The following CXCL8 variants were observed in gnomAD, a reference collection of about 807,000 sequenced individuals.
CXCL8 encodes the protein interleukin-8.
A neutral mutation model predicts 10.9 loss-of-function variants in CXCL8; 12 were observed. The ratio of observed to expected loss-of-function variants is 1.10; its 90% confidence interval spans 0.71 to 1.79. The LOEUF (loss-of-function observed/expected upper bound fraction) is 1.79. CXCL8 is among the 40% of genes most tolerant of loss of function. The probability of loss-of-function intolerance (pLI) is 0.00; values close to 1 mark genes in which losing one functional copy is unlikely to be tolerated. For synonymous variants in CXCL8, 41 were observed against 39.6 expected (o/e 1.03, Z -0.13); for missense variants, 145 against 113.4 (o/e 1.28, Z -1.26).
intron 1 of CXCL8, 118 bp from the exon 2 acceptor site, chr4:73,741,424 C>A: frequency 2.1e-6 from 2 of 951,214 alleles, no homozygotes; most frequent in Non-Finnish European, 3.1e-6. Context: ...AATGAGTTCA[C>A]TAGAAACATG....
chr4:73,741,503 T>C (rs759668490), intron 1 of CXCL8, 39 bp from the exon 2 acceptor site: 9 of 1,605,312 alleles, frequency 5.6e-6, no homozygotes, highest in Non-Finnish European at 7.7e-6. Flanking sequence ...GCTGTGCCTG[T>C]TGATAAAATC....
In CXCL8 at chr4:73,742,488, C is replaced by T; in HGVS notation, c.*24C>T. 7.0e-7 allele frequency: 1 copy of T among 1,427,550 alleles called. No individual in the cohort carries two copies. The highest frequency in any genetic ancestry group is 9.7e-7 in the Non-Finnish European group (1 of 1,030,836). 88.4% of individuals were successfully genotyped at this position (1,427,550 alleles called of 1,614,324 possible). A position where few individuals can be genotyped will look rare whatever the true frequency, so the allele number is the denominator to read the frequency against. ...AAAAAAATTCATTCTCTGTGGTATC[C>T]AAGAATCAGTGAAGATGCCAGTGAA... On this transcript the variant is annotated 3_prime_UTR_variant, in exon 4 of 4. Transcript: ENST00000307407.
chr4:73,741,463 A>T, intron 1 of CXCL8, 79 bp from the exon 2 acceptor site: 1 of 1,329,244 alleles, frequency 7.5e-7, no homozygotes, highest in South Asian at 1.3e-5. Context: ...AAATAATCAT[A>T]TTGGAATTAG....
chr4:73,742,026 T>C lies in CXCL8; in HGVS notation c.278T>C (p.Leu93Ser). 1.3e-6 allele frequency: 2 copies of C among 1,583,400 alleles called. No individual in the cohort carries two copies. Among genetic ancestry groups the C allele is most frequent in the South Asian group, 2.2e-5 (2 of 89,360 alleles). ...GTGCAGAGGGTTGTGGAGAAGTTTT[T>C]GAAGAGGTAAGTTATATATTTTTTA... The part of the protein sequence containing the change: ...NWVQRVVEKF[L>S]KRAENS The change falls in exon 3 of 4, where the codon TTG (leucine) becomes TCG (serine). Residue 93 changes from leucine (L) to serine (S), a missense_variant. Coordinates refer to ENST00000307407, the MANE Select transcript of CXCL8 (RefSeq NM_000584.4).
Position 73,742,849 on chromosome 4 carries a change from A to T in CXCL8, c.*385A>T. On this transcript the variant is annotated 3_prime_UTR_variant, in exon 4 of 4. Coordinates refer to ENST00000307407, the MANE Select transcript of CXCL8 (RefSeq NM_000584.4). ...TAGAATGTGATATTTGAAGCATCACATAAAAATGATGGGACAATAAATTTT... is the reference window on the plus strand; with the variant it reads ...TAGAATGTGATATTTGAAGCATCACTTAAAAATGATGGGACAATAAATTTT... 4.3e-6 allele frequency: 1 copy of T among 234,152 alleles called. No individual in the cohort carries two copies. The highest frequency in any genetic ancestry group is 6.1e-5 in the East Asian group (1 of 16,426). The allele number at this position is 234,152 out of a possible 1,614,324, so 14.5% of individuals were successfully genotyped here. A position where few individuals can be genotyped will look rare whatever the true frequency, so the allele number is the denominator to read the frequency against.
Position 73,741,954 on chromosome 4 carries a change from A to G in CXCL8, c.206A>G (p.Lys69Arg). The G allele has an allele frequency of 6.2e-7, 1 of 1,606,670 alleles. No homozygotes were observed. Residue 69 changes from lysine to arginine, a missense_variant, in exon 3 of 4, where the codon AAG becomes AGG. Lys to Arg is a conservative substitution (Grantham distance 26). Coordinates refer to ENST00000307407, the MANE Select transcript of CXCL8 (RefSeq NM_000584.4). Reference sequence around the variant, plus strand: ...CCATTTCTTTCTTATTTCAGTGTAAAGCTTTCTGATGGAAGAGAGCTCTGT... The same window carrying G: ...CCATTTCTTTCTTATTTCAGTGTAAGGCTTTCTGATGGAAGAGAGCTCTGT... The part of the protein sequence containing the change: ...PHCANTEIIV[K>R]LSDGRELCLD...
chr4:73,740,748 C>T (rs373043928), intron 1 of CXCL8, 26 bp downstream of exon 1: 49 of 1,602,104 alleles, frequency 3.1e-5, no homozygotes, highest in Admixed American at 5.0e-5. Context: ...TGACCTACAG[C>T]GTTTTCCTAT....
In CXCL8 at chr4:73,740,636, G is replaced by A. The variant is rs888879271; in HGVS notation, c.-23G>A. ...AGAGCCAGGAAGAAACCACCGGAAG[G>A]AACCATCTCACTGTGTGTAAACATG... On this transcript the variant is annotated 5_prime_UTR_variant, in exon 1 of 4. Coordinates refer to ENST00000307407, the MANE Select transcript of CXCL8 (RefSeq NM_000584.4). 2 of 1,610,602 alleles carry A rather than the reference G, an allele frequency of 1.2e-6. No homozygotes were observed. Among genetic ancestry groups the A allele is most frequent in the African/African-American group, 1.3e-5 (1 of 74,816 alleles).
At chr4:73,741,230 T>C (rs953802834) in intron 1 of CXCL8, among the ~76,000 whole-genome samples, 2 of 152,204 alleles carry the variant, frequency 1.3e-5, no homozygotes, top group Admixed American at 6.5e-5. Context: ...TTGCCTACTA[T>C]AAATAACACT....
At chr4:73,742,117 C>T in intron 3 of CXCL8, 85 bp downstream of exon 3, 1 of 806,226 alleles carries the variant, frequency 1.2e-6, no homozygotes, top group South Asian at 1.8e-5. Context: ...CTTTCTGTTG[C>T]TAAAAATCGT....
chr4:73,741,387 A>G (rs1477983457), intron 1 of CXCL8, among the ~76,000 whole-genome samples, 155 bp from the exon 2 acceptor site: 1 of 152,218 alleles, frequency 6.6e-6, no homozygotes, highest in Non-Finnish European at 1.5e-5. Flanking sequence ...GAACTAACTG[A>G]GGTCAAGGGC....
chr4:73,741,616 A>T lies in CXCL8; in HGVS notation c.139A>T (p.Lys47Ter). 1 of 1,613,628 alleles carries T rather than the reference A, an allele frequency of 6.2e-7. No homozygotes were observed. Among genetic ancestry groups the T allele is most frequent in the Non-Finnish European group, 8.5e-7 (1 of 1,179,632 alleles). The change falls in exon 2 of 4, where the codon AAA (lysine) becomes TAA (stop). Residue 47 changes from lysine (K) to a stop codon, truncating the protein, a stop_gained. Coordinates refer to ENST00000307407, the MANE Select transcript of CXCL8 (RefSeq NM_000584.4). LOFTEE classifies it high-confidence loss of function. ...GACATACTCCAAACCTTTCCACCCC[A>T]AATTTATCAAAGAACTGAGAGTGAT... Reference protein sequence around the residue: ...IKTYSKPFHPKFIKELRVIES... With the variant: ...IKTYSKPFHP
intron 3 of CXCL8, 85 bp from the exon 4 acceptor site, chr4:73,742,364 G>A: frequency 3.0e-6 from 2 of 669,676 alleles, no homozygotes; most frequent in Non-Finnish European, 5.1e-6. Flanking sequence ...ACACATGAAT[G>A]TCAAAGACTA....
chr4:73,741,436 T>G, intron 1 of CXCL8, 106 bp from the exon 2 acceptor site: 1 of 1,039,258 alleles, frequency 9.6e-7, no homozygotes, highest in South Asian at 1.6e-5. Context: ...AGAAACATGA[T>G]GCCTTCCATA....
rs562011799 is a variant in CXCL8 at position 73,740,847 on chromosome 4, C to G, written c.64+125C>G. 56 of 741,016 alleles carry G rather than the reference C, an allele frequency of 7.6e-5. 1 individual carries two copies. The highest frequency in any genetic ancestry group is 1.1e-4 in the Non-Finnish European group (52 of 455,070). The allele number at this position is 741,016 out of a possible 1,614,324, so 45.9% of individuals were successfully genotyped here. On this transcript the variant is annotated intron_variant, in intron 1 of 3. Coordinates refer to ENST00000307407, the MANE Select transcript of CXCL8 (RefSeq NM_000584.4). ...ATTCAGAAACAGAATATAATCTTAG[C>G]AGTCAATTAATGTTAAATTGAAGAT... is the stretch of plus-strand genomic sequence containing the variant.
Position 73,741,558 on chromosome 4 carries a change from G to C in CXCL8, c.81G>C (p.Arg27Ser). The C allele has an allele frequency of 2.5e-6, 4 of 1,612,856 alleles. No individual in the cohort carries two copies. The highest frequency in any genetic ancestry group is 3.4e-6 in the Non-Finnish European group (4 of 1,179,528). Residue 27 changes from arginine to serine, a missense_variant, in exon 2 of 4, where the codon AGG becomes AGC. By Grantham distance (110) the Arg-to-Ser change is moderately radical. Coordinates refer to ENST00000307407, the MANE Select transcript of CXCL8 (RefSeq NM_000584.4). ...CCCCAACAGGTGCAGTTTTGCCAAGGAGTGCTAAAGAACTTAGATGTCAGT... is the reference window on the plus strand; with the variant it reads ...CCCCAACAGGTGCAGTTTTGCCAAGCAGTGCTAAAGAACTTAGATGTCAGT... ...AALCEGAVLPRSAKELRCQCI... is the reference protein window; with the variant it reads ...AALCEGAVLPSSAKELRCQCI...
intron 3 of CXCL8, 131 bp from the exon 4 acceptor site, chr4:73,742,318 C>G (rs990598523): frequency 5.2e-6 from 3 of 582,176 alleles, no homozygotes; most frequent in Admixed American, 3.4e-5. Context: ...TTTCTTTGAT[C>G]TCCCTATTTA....
chr4:73,741,843 C>A, intron 2 of CXCL8, 106 bp from the exon 3 acceptor site: 1 of 1,077,568 alleles, frequency 9.3e-7, no homozygotes, highest in Non-Finnish European at 1.4e-6. Flanking sequence ...GCTTCCACAA[C>A]TACTATAAAT....
intron 1 of CXCL8, 70 bp from the exon 2 acceptor site, chr4:73,741,472 A>C (rs1216205939): frequency 1.4e-6 from 2 of 1,427,798 alleles, no homozygotes; most frequent in East Asian, 4.6e-5. Context: ...TATTGGAATT[A>C]GAAAGGAAGT....
Sources: gnomAD v4.1 joint callset for allele counts (sites outside exome capture counted in the v4.1 genomes callset) on GRCh38, gnomAD v4.1.1 for gene constraint, MANE v1.5 for transcripts, NCBI Gene and HGNC (gene_info 2026-07-23, HGNC 2026-07-21) for gene names.